Variants in KCNG2 observed in about 807,000 individuals in gnomAD.
KCNG2 encodes the protein potassium voltage-gated channel modifier subfamily G member 2, also known as voltage-gated potassium channel regulatory subunit KCNG2.
Under a neutral mutation model 12.3 loss-of-function variants are expected in KCNG2, and 7 were observed. That is an observed-to-expected ratio of 0.57 (90% CI 0.32 to 1.07). The LOEUF (loss-of-function observed/expected upper bound fraction) is 1.07. KCNG2 is among the 50% of genes least tolerant of loss of function. The probability of loss-of-function intolerance (pLI) is 0.04; values close to 1 mark genes in which losing one functional copy is unlikely to be tolerated. For synonymous variants in KCNG2, 414 were observed against 351.4 expected, an observed-to-expected ratio of 1.18 and a Z score of -1.99; for missense variants, 703 against 726.0, an observed-to-expected ratio of 0.97 and a Z score of 0.36.
intron 1 of KCNG2, among the ~76,000 whole-genome samples, chr18:79,854,191 G>C (rs1217782420): frequency 6.6e-6 from 1 of 152,224 alleles, no homozygotes; most frequent in East Asian, 1.9e-4. Flanking sequence ...CCGGCCTTCT[G>C]CTTCCATCAC....
intron 3 of KCNG2, among the ~76,000 whole-genome samples, chr18:79,867,741 A>G (rs922482614): frequency 6.6e-6 from 1 of 152,056 alleles, no homozygotes; most frequent in Non-Finnish European, 1.5e-5. Context: ...TCCGATGGCC[A>G]CACCAGGAGG....
intron 1 of KCNG2, among the ~76,000 whole-genome samples, chr18:79,804,280 C>A (rs766495133): frequency 6.6e-5 from 10 of 152,258 alleles, no homozygotes; most frequent in Non-Finnish European, 1.0e-4. Context: ...AGCCGCTGGA[C>A]CCTGGCCCTG....
intron 1 of KCNG2, among the ~76,000 whole-genome samples, chr18:79,828,679 G>A: frequency 6.6e-6 from 1 of 151,622 alleles, no homozygotes; most frequent in East Asian, 1.9e-4. Context: ...ATGTCTATGT[G>A]TGCGTGTGTC....
At chr18:79,861,603 T>A (rs1979224763) in intron 2 of KCNG2, among the ~76,000 whole-genome samples, 1 of 152,204 alleles carries the variant, frequency 6.6e-6, no homozygotes, top group Non-Finnish European at 1.5e-5. Flanking sequence ...GTTTGTGGTG[T>A]GTCAGTGTGG....
chr18:79,848,357 G>T (rs1978694742), intron 1 of KCNG2, among the ~76,000 whole-genome samples: 1 of 152,206 alleles, frequency 6.6e-6, no homozygotes, highest in African/African-American at 2.4e-5. Flanking sequence ...CAGAGTAGGG[G>T]TCCGCAGGCC....
At chr18:79,810,669 T>C (rs1464300908) in intron 1 of KCNG2, among the ~76,000 whole-genome samples, 1 of 151,888 alleles carries the variant, frequency 6.6e-6, no homozygotes, top group Non-Finnish European at 1.5e-5. Flanking sequence ...GATGCTGAGG[T>C]GGGAGGATCA....
At chr18:79,823,208 G>A (rs1007675563) in intron 1 of KCNG2, among the ~76,000 whole-genome samples, 9 of 152,156 alleles carry the variant, frequency 5.9e-5, no homozygotes, top group East Asian at 3.8e-4. Context: ...TCCTCCTTCC[G>A]GCACGTGCCC....
chr18:79,887,939 T>C (rs1249722098), intron 3 of KCNG2, among the ~76,000 whole-genome samples: 1 of 152,014 alleles, frequency 6.6e-6, no homozygotes, highest in Non-Finnish European at 1.5e-5. Context: ...GGAGTGGATG[T>C]CTGACGAGGC....
chr18:79,815,296 C>A (rs1269408188), intron 1 of KCNG2, among the ~76,000 whole-genome samples: 4 of 151,948 alleles, frequency 2.6e-5, no homozygotes, highest in Non-Finnish European at 5.9e-5. Flanking sequence ...AAAAAATTAT[C>A]TGGGTGTGAT....
intron 1 of KCNG2, among the ~76,000 whole-genome samples, chr18:79,832,689 C>G (rs1978302920): frequency 6.6e-6 from 1 of 152,230 alleles, no homozygotes; most frequent in South Asian, 2.1e-4. Flanking sequence ...TGGGACTGCC[C>G]AGGCCACAGC....
intron 2 of KCNG2, among the ~76,000 whole-genome samples, 143 bp downstream of exon 2, chr18:79,856,595 A>G (rs186015820): frequency 2.0e-3 from 309 of 152,272 alleles, no homozygotes; most frequent in Middle Eastern, 0.014. Flanking sequence ...CTGTTGACAC[A>G]CACCTGTCAA....
intron 3 of KCNG2, among the ~76,000 whole-genome samples, chr18:79,870,831 G>A (rs962498081): frequency 1.3e-4 from 20 of 152,202 alleles, no homozygotes; most frequent in Non-Finnish European, 2.6e-4. Context: ...GTGGGCAGAC[G>A]TCACAGACAC....
intron 2 of KCNG2, among the ~76,000 whole-genome samples, chr18:79,862,582 C>T (rs1979262328): frequency 6.6e-6 from 1 of 152,282 alleles, no homozygotes; most frequent in African/African-American, 2.4e-5. Context: ...TGTGCGCAGC[C>T]GAGGCGTGTG....
chr18:79,864,689 A>C (rs1347307829), intron 3 of KCNG2, among the ~76,000 whole-genome samples: 6 of 152,066 alleles, frequency 3.9e-5, no homozygotes, highest in African/African-American at 1.4e-4. Context: ...GACCAAGGAG[A>C]CCCAACCGCA....
chr18:79,897,255 G>A (rs1374753472), intron 3 of KCNG2, among the ~76,000 whole-genome samples: 1 of 151,550 alleles, frequency 6.6e-6, no homozygotes, highest in Admixed American at 6.6e-5. Context: ...AGCGCTGTTT[G>A]GTTTATTCTT....
chr18:79,811,544 G>A (rs1417272488), intron 1 of KCNG2, among the ~76,000 whole-genome samples: 1 of 152,066 alleles, frequency 6.6e-6, no homozygotes, highest in Admixed American at 6.5e-5. Context: ...TATCCAAAAT[G>A]TCCATGATAC....
chr18:79,849,230 G>A (rs1056670696), intron 1 of KCNG2, among the ~76,000 whole-genome samples: 1 of 152,196 alleles, frequency 6.6e-6, no homozygotes, highest in African/African-American at 2.4e-5. Flanking sequence ...GCCTCCGAGC[G>A]TGGTCCCGTC....
intron 2 of KCNG2, among the ~76,000 whole-genome samples, chr18:79,861,569 G>A (rs1979223658): frequency 1.3e-5 from 2 of 152,306 alleles, no homozygotes; most frequent in Middle Eastern, 6.8e-3. Flanking sequence ...ATGAGCCACT[G>A]TGCCGGGTCT....
At chr18:79,879,059 T>C (rs1980192215) in intron 3 of KCNG2, among the ~76,000 whole-genome samples, 1 of 152,024 alleles carries the variant, frequency 6.6e-6, no homozygotes, top group Non-Finnish European at 1.5e-5. Flanking sequence ...GATGTGGGGG[T>C]CAGGCTCCTG....
Sources: gnomAD v4.1 joint callset for allele counts (sites outside exome capture counted in the v4.1 genomes callset) on GRCh38, gnomAD v4.1.1 for gene constraint, MANE v1.5 for transcripts, NCBI Gene and HGNC (gene_info 2026-07-23, HGNC 2026-07-21) for gene names.